The following DTNB variants were observed in gnomAD, a reference collection of about 807,000 sequenced individuals.
DTNB encodes DTN-B.
In DTNB, 63 loss-of-function variants were observed where a neutral mutation model predicts 90.7. The observed-to-expected ratio is 0.69, with a 90% CI of 0.57 to 0.86. DTNB has a LOEUF of 0.86. Ranked by LOEUF, DTNB falls within the 40% of genes least tolerant of loss-of-function variation. The probability of loss-of-function intolerance (pLI) is 0.00; values close to 1 mark genes in which losing one functional copy is unlikely to be tolerated. For synonymous variants in DTNB, 277 were observed against 286.7 expected (o/e 0.97, Z 0.34); for missense variants, 744 against 807.1 (o/e 0.92, Z 0.95).
intron 1 of DTNB, among the ~76,000 whole-genome samples, chr2:25,668,522 C>A (rs997374228): frequency 6.6e-6 from 1 of 152,170 alleles, no homozygotes; most frequent in Non-Finnish European, 1.5e-5. Flanking sequence ...CTTGTCAAAA[C>A]CCATAGAACT....
At position 25,529,586 on chromosome 2, in the gene DTNB, A is replaced by G. The variant is rs370351430; in HGVS notation, c.1001+1887T>C. Among the ~76,000 whole-genome samples, 138 of 152,214 alleles carry G rather than the reference A, an allele frequency of 9.1e-4. 1 individual carries two copies. In the South Asian group the frequency reaches 0.017, roughly 19 times the overall value. On this transcript the variant is annotated intron_variant, in intron 9 of 20. Coordinates refer to ENST00000406818, the MANE Select transcript of DTNB (RefSeq NM_021907.5). ...AGGGGTGGGAGACATCTTTTTTCCC[A>G]AGAAGAAGAAAGCAATGAGAAACCG...
intron 16 of DTNB, among the ~76,000 whole-genome samples, chr2:25,409,992 C>T (rs983264101): frequency 6.6e-6 from 1 of 152,218 alleles, no homozygotes; most frequent in Admixed American, 6.5e-5. Context: ...GATCATGTCT[C>T]TATTTTCACT....
chr2:25,491,139 A>G (rs1228405589), intron 9 of DTNB, among the ~76,000 whole-genome samples: 6 of 51,740 alleles, frequency 1.2e-4, no homozygotes, highest in Non-Finnish European at 2.1e-4. Context: ...TTATATGAGC[A>G]CACACACACA....
At chr2:25,629,411 C>A (rs146110399) in intron 3 of DTNB, among the ~76,000 whole-genome samples, 1 of 152,150 alleles carries the variant, frequency 6.6e-6, no homozygotes, top group African/African-American at 2.4e-5. Context: ...ATGGCTGGTG[C>A]GGACCCAAAT....
chr2:25,381,832 C>G (rs2037861610), intron 19 of DTNB, among the ~76,000 whole-genome samples: 1 of 152,242 alleles, frequency 6.6e-6, no homozygotes, highest in Non-Finnish European at 1.5e-5. Context: ...TCAGCAATTT[C>G]AGGGTCCTTG....
intron 16 of DTNB, among the ~76,000 whole-genome samples, chr2:25,413,538 A>G (rs887832842): frequency 6.6e-6 from 1 of 151,366 alleles, no homozygotes; most frequent in Non-Finnish European, 1.5e-5. Context: ...TTCTTGCGAT[A>G]GTTTGCTGAG....
intron 8 of DTNB, among the ~76,000 whole-genome samples, chr2:25,562,097 A>G (rs1572618030): frequency 1.3e-5 from 2 of 152,206 alleles, no homozygotes; most frequent in East Asian, 3.8e-4. Flanking sequence ...CTACTAATGT[A>G]CATTCTGTTC....
chr2:25,516,763 G>A (rs1336984822), intron 9 of DTNB, among the ~76,000 whole-genome samples: 8 of 151,918 alleles, frequency 5.3e-5, no homozygotes, highest in East Asian at 1.9e-4. Context: ...GGTGGTGGGC[G>A]CCTGTAATCC....
chr2:25,385,916 G>A (rs1336510286), intron 18 of DTNB: 9 of 636,878 alleles, frequency 1.4e-5, no homozygotes, highest in Non-Finnish European at 1.8e-5. Flanking sequence ...TGGCCATGAA[G>A]TACAAGTGTA....
In DTNB at chr2:25,535,261, G is replaced by A. The variant is rs560306044; in HGVS notation, c.877-3664C>T. 4.0e-4 allele frequency among the ~76,000 whole-genome samples: 57 copies of A among 143,990 alleles called. 2 individuals are homozygous for A. Among genetic ancestry groups the A allele is most frequent in the Admixed American group, 3.7e-3 (54 of 14,446 alleles). The allele number at this position is 143,990 out of a possible 152,430, so 94.5% of individuals were successfully genotyped here. On this transcript the variant is annotated intron_variant, in intron 8 of 20. Coordinates refer to ENST00000406818, the MANE Select transcript of DTNB (RefSeq NM_021907.5). ...CAGAGACGCTCCTCACTTCCTAGAC[G>A]GAGTGGCAGCCAGGCAGAGGCGCTC...
intron 16 of DTNB, among the ~76,000 whole-genome samples, chr2:25,410,192 G>A (rs905625760): frequency 6.6e-6 from 1 of 152,184 alleles, no homozygotes; most frequent in African/African-American, 2.4e-5. Context: ...AGGAGATAAT[G>A]TTTTTGGAGG....
intron 8 of DTNB, among the ~76,000 whole-genome samples, chr2:25,564,667 C>A (rs1389224110): frequency 6.6e-6 from 1 of 152,178 alleles, no homozygotes; most frequent in Admixed American, 6.5e-5. Flanking sequence ...GGATTATGGG[C>A]ATGAGCCACC....
At chr2:25,509,496 G>A (rs1052101660) in intron 9 of DTNB, among the ~76,000 whole-genome samples, 3 of 150,728 alleles carry the variant, frequency 2.0e-5, no homozygotes, top group African/African-American at 7.5e-5. Context: ...AAATGTTTTT[G>A]TCTTTGCCTT....
chr2:25,471,593 G>A (rs866336230), intron 10 of DTNB, among the ~76,000 whole-genome samples: 2 of 151,962 alleles, frequency 1.3e-5, no homozygotes, highest in African/African-American at 4.8e-5. Context: ...ACAGGGTTTC[G>A]CTATGTTGGC....
chr2:25,657,163 G>A (rs988228982), intron 1 of DTNB, among the ~76,000 whole-genome samples: 3 of 151,670 alleles, frequency 2.0e-5, no homozygotes, highest in African/African-American at 7.3e-5. Context: ...GTAACAGAGT[G>A]AGACTCCGTC....
intron 9 of DTNB, among the ~76,000 whole-genome samples, chr2:25,501,660 A>C (rs1261048660): frequency 1.3e-5 from 2 of 152,290 alleles, no homozygotes; most frequent in East Asian, 3.9e-4. Flanking sequence ...GGCATGAGCC[A>C]CTGTGCCCAG....
chr2:25,657,936 T>C (rs2148982486), intron 1 of DTNB, among the ~76,000 whole-genome samples: 1 of 151,986 alleles, frequency 6.6e-6, no homozygotes, highest in East Asian at 1.9e-4. Flanking sequence ...CCAGAATAGT[T>C]AAAATAAAAA....
At chr2:25,388,859 T>C (rs2040302273) in intron 16 of DTNB, among the ~76,000 whole-genome samples, 1 of 151,970 alleles carries the variant, frequency 6.6e-6, no homozygotes, top group African/African-American at 2.4e-5. Flanking sequence ...CGTATATATC[T>C]TTTTTGGAGA....
At chr2:25,667,908 T>C (rs1340192551) in intron 1 of DTNB, among the ~76,000 whole-genome samples, 1 of 152,194 alleles carries the variant, frequency 6.6e-6, no homozygotes, top group Non-Finnish European at 1.5e-5. Flanking sequence ...CAAACTGTGG[T>C]GCTTCCATAA....
Sources: allele counts gnomAD v4.1 joint callset (sites outside exome capture counted in the v4.1 genomes callset), GRCh38; gene constraint gnomAD v4.1.1; transcripts MANE v1.5; gene names NCBI Gene and HGNC (gene_info 2026-07-23, HGNC 2026-07-21).